The following PXDN variants were observed in gnomAD, a reference collection of about 807,000 sequenced individuals.
PXDN encodes peroxidasin homolog.
In PXDN, 77 loss-of-function variants were observed where a neutral mutation model predicts 140.3. The observed-to-expected ratio is 0.55, with a 90% CI of 0.46 to 0.66. The LOEUF is 0.66. Ranked by LOEUF, PXDN falls within the 30% of genes least tolerant of loss-of-function variation. PXDN has a pLI of 0.00. For synonymous variants in PXDN, 911 were observed against 857.4 expected, an observed-to-expected ratio of 1.06 and a Z score of -1.09; for missense variants, 1,838 against 2,039.5, an observed-to-expected ratio of 0.90 and a Z score of 1.90.
In PXDN at chr2:1,660,760, G is replaced by C. The variant is rs988145694; in HGVS notation, c.1837+121C>G. 3.1e-6 allele frequency: 4 copies of C among 1,292,208 alleles called. No individual in the cohort carries two copies. The African/African-American group carries it at 5.9e-5, about 19-fold the overall frequency. The allele number at this position is 1,292,208 out of a possible 1,614,324, so 80.0% of individuals were successfully genotyped here. On this transcript the variant is annotated intron_variant, in intron 14 of 22. Coordinates refer to ENST00000252804, the MANE Select transcript of PXDN (RefSeq NM_012293.3). This position sits in a 1 kb window ranked among gnomAD's most constrained non-coding sequence, Gnocchi z 4.6. Reference sequence around the variant, plus strand: ...AGAGTGTCCCCACCTGGGAATCAAGGGTGCTTTGTCTTCTGAATAATTCTG... The same window carrying C: ...AGAGTGTCCCCACCTGGGAATCAAGCGTGCTTTGTCTTCTGAATAATTCTG...
intron 1 of PXDN, among the ~76,000 whole-genome samples, chr2:1,728,286 G>A (rs1685236512): frequency 6.6e-6 from 1 of 152,180 alleles, no homozygotes; most frequent in African/African-American, 2.4e-5. Context: ...CACAGATTCC[G>A]AGGCCGGTTT....
chr2:1,727,367 T>TAA (rs1329948829), intron 1 of PXDN, among the ~76,000 whole-genome samples: 1 of 152,206 alleles, frequency 6.6e-6, no homozygotes, highest in Non-Finnish European at 1.5e-5. Flanking sequence ...AGCCGTAACG[T>TAA]AATAAGTAGC....
At chr2:1,655,200 T>A (rs940975277) in intron 14 of PXDN, among the ~76,000 whole-genome samples, 1 of 145,992 alleles carries the variant, frequency 6.8e-6, no homozygotes, top group Non-Finnish European at 1.5e-5. Context: ...ACATGTCACA[T>A]TATACACAGA....
At chr2:1,665,630 T>G (rs1218874904) in intron 10 of PXDN, among the ~76,000 whole-genome samples, 1 of 152,260 alleles carries the variant, frequency 6.6e-6, no homozygotes, top group Admixed American at 6.5e-5. Context: ...AGGAAAGGGC[T>G]GAAGAGAGGC....
chr2:1,692,306 A>AT (rs1439376867), intron 2 of PXDN, among the ~76,000 whole-genome samples: 15 of 152,192 alleles, frequency 9.9e-5, no homozygotes, highest in Admixed American at 3.3e-4. Flanking sequence ...TGTCTCTTAG[A>AT]TTTTCTATTT....
chr2:1,678,251 G>A (rs55745268), intron 7 of PXDN, among the ~76,000 whole-genome samples: 4,795 of 152,168 alleles, frequency 0.032, 94 homozygotes, highest in Middle Eastern at 0.065. Flanking sequence ...TCCCTCTCCC[G>A]AGGGCTGCCA....
In PXDN at chr2:1,665,091, A is replaced by G; in HGVS notation, c.1292-17T>C. 1 of 1,551,412 alleles carries G rather than the reference A, an allele frequency of 6.4e-7. No individual in the cohort carries two copies. Among genetic ancestry groups the G allele is most frequent in the Non-Finnish European group, 8.8e-7 (1 of 1,133,746 alleles). ...GAGGAAGAGCTTCCGGAGAGAAAGC[A>G]TTCAAAACAGGACATGTAAAAAACA... On this transcript the variant is annotated splice_polypyrimidine_tract_variant and intron_variant, in intron 10 of 22. Coordinates refer to ENST00000252804, the MANE Select transcript of PXDN (RefSeq NM_012293.3).
Position 1,707,766 on chromosome 2 carries a change from C to A in PXDN, c.201-14632G>T, listed in dbSNP as rs541160777. On this transcript the variant is annotated intron_variant, in intron 1 of 22. Transcript: ENST00000252804. Reference sequence around the variant, plus strand: ...TAAAACTTGGTGCAGAGGAGGGATTCGTACCAAGGTGCCGAAAGCGACGAT... The same window carrying A: ...TAAAACTTGGTGCAGAGGAGGGATTAGTACCAAGGTGCCGAAAGCGACGAT... Among the ~76,000 whole-genome samples, 13 of 152,044 alleles carry A rather than the reference C, an allele frequency of 8.6e-5. No individual in the cohort carries two copies. The East Asian group carries it at 1.5e-3, about 18-fold the overall frequency.
At chr2:1,704,776 T>C (rs546054840) in intron 1 of PXDN, among the ~76,000 whole-genome samples, 2 of 152,246 alleles carry the variant, frequency 1.3e-5, no homozygotes, top group East Asian at 1.9e-4. Context: ...CAGTCAGATA[T>C]GCATGTCTCG....
At chr2:1,679,989 GTAAATGGTA>G (rs1683848471) in intron 7 of PXDN, among the ~76,000 whole-genome samples, 195 bp downstream of exon 7, 1 of 148,636 alleles carries the variant, frequency 6.7e-6, no homozygotes, top group Non-Finnish European at 1.5e-5. Context: ...TGGTGTGTGT[GTAAATGGTA>G]TGTGTGTGTG....
Position 1,676,732 on chromosome 2 carries a change from G to T in PXDN, c.848+195C>A, listed in dbSNP as rs2241453. The stretch of plus-strand genomic sequence containing the variant: ...AGGAGAGAGTGGGGAAGGGGCCCCA[G>T]CCTGGCAGAAACGTCGTCACACCCC... On this transcript the variant is annotated intron_variant, in intron 8 of 22. Transcript: ENST00000252804. Among the ~76,000 whole-genome samples the T allele has an allele frequency of 4.6e-5, 7 of 152,336 alleles. No homozygotes were observed. In the East Asian group the frequency reaches 9.7e-4, roughly 21 times the overall value.
chr2:1,651,594 C>A lies in PXDN; in HGVS notation c.2105-1919G>T, dbSNP rs1295021052. Among the ~76,000 whole-genome samples, 1 of 152,226 alleles carries A rather than the reference C, an allele frequency of 6.6e-6. No individual in the cohort carries two copies. The highest frequency in any genetic ancestry group is 2.4e-5 in the African/African-American group (1 of 41,458). ...CAGCCCTTCCTCACCCCCTTTCCAG[C>A]CACAGTGACCACCTGCTGTTCCACT... is the stretch of plus-strand genomic sequence containing the variant. On this transcript the variant is annotated intron_variant, in intron 16 of 22. Transcript: ENST00000252804. This position sits in a 1 kb window ranked among gnomAD's most constrained non-coding sequence, Gnocchi z 4.4.
chr2:1,677,949 G>A (rs928100341), intron 7 of PXDN, among the ~76,000 whole-genome samples: 2 of 152,156 alleles, frequency 1.3e-5, no homozygotes, highest in African/African-American at 2.4e-5. Context: ...CAGCGGAGAT[G>A]GCTCTGCTCA....
intron 6 of PXDN, among the ~76,000 whole-genome samples, chr2:1,681,441 G>C (rs558151127): frequency 1.3e-5 from 2 of 152,186 alleles, no homozygotes; most frequent in Admixed American, 6.5e-5. Flanking sequence ...TGCAACAGAC[G>C]TGCTCACTAT....
At chr2:1,640,949 C>T (rs1255028716) in intron 19 of PXDN, among the ~76,000 whole-genome samples, 4 of 152,170 alleles carry the variant, frequency 2.6e-5, no homozygotes, top group African/African-American at 4.8e-5. Flanking sequence ...ATGGCCGTCT[C>T]TTCCTCACAC....
At chr2:1,690,789 A>G (rs1684168879) in intron 3 of PXDN, among the ~76,000 whole-genome samples, 1 of 152,186 alleles carries the variant, frequency 6.6e-6, no homozygotes. Flanking sequence ...TGATGGAGGG[A>G]AAAAGGATGT....
intron 4 of PXDN, among the ~76,000 whole-genome samples, chr2:1,684,609 T>A (rs138660528): frequency 1.1e-3 from 175 of 152,328 alleles, no homozygotes; most frequent in African/African-American, 4.0e-3. Flanking sequence ...GAGTATATTA[T>A]CAGATACAAA....
chr2:1,634,429 C>G (rs1682494896), intron 22 of PXDN, 106 bp from the exon 23 acceptor site: 1 of 1,409,460 alleles, frequency 7.1e-7, no homozygotes, highest in Admixed American at 2.4e-5. Flanking sequence ...TGAGTCAGGC[C>G]TTGCCCTGAG....
intron 1 of PXDN, among the ~76,000 whole-genome samples, chr2:1,728,493 G>A (rs1014846681): frequency 6.6e-6 from 1 of 152,228 alleles, no homozygotes; most frequent in African/African-American, 2.4e-5. Flanking sequence ...GCAGAATGGG[G>A]AAAAATCGGA....
Sources: allele counts gnomAD v4.1 joint callset (sites outside exome capture counted in the v4.1 genomes callset), GRCh38; gene constraint gnomAD v4.1.1; non-coding constraint Gnocchi (gnomAD v3.1); transcripts MANE v1.5; gene names NCBI Gene and HGNC (gene_info 2026-07-23, HGNC 2026-07-21).